The following NELL1 variants were observed in gnomAD, a reference collection of about 807,000 sequenced individuals.
The protein encoded by NELL1 is neural EGFL like 1.
NELL1 carries 76 observed loss-of-function variants against 107.4 expected under a neutral mutation model. The ratio of observed to expected loss-of-function variants is 0.71; its 90% CI spans 0.59 to 0.86. NELL1 has a LOEUF of 0.86. NELL1 is among the 40% of genes least tolerant of loss of function. NELL1 has a pLI of 0.00. For missense variants in NELL1, 1,024 were observed against 1,005.5 expected, an observed-to-expected ratio of 1.02 and a Z score of -0.25; for synonymous variants, 353 against 341.2, an observed-to-expected ratio of 1.03 and a Z score of -0.38.
At chr11:21,172,525 A>T (rs1856629096) in intron 13 of NELL1, among the ~76,000 whole-genome samples, 1 of 151,786 alleles carries the variant, frequency 6.6e-6, no homozygotes, top group Non-Finnish European at 1.5e-5. Flanking sequence ...TTGAGAAAAT[A>T]GCCATTATTC....
chr11:20,834,903 T>C (rs2134041724), intron 3 of NELL1, among the ~76,000 whole-genome samples: 1 of 152,200 alleles, frequency 6.6e-6, no homozygotes, highest in Admixed American at 6.5e-5. Context: ...TAACATAAAA[T>C]GGTTTGAGAA....
intron 15 of NELL1, among the ~76,000 whole-genome samples, chr11:21,381,489 G>C (rs1851605659): frequency 6.6e-6 from 1 of 151,918 alleles, no homozygotes; most frequent in Non-Finnish European, 1.5e-5. Context: ...ATGAGATATT[G>C]TACTTAAAAT....
chr11:21,323,303 C>T (rs180759794), intron 14 of NELL1, among the ~76,000 whole-genome samples: 204 of 152,204 alleles, frequency 1.3e-3, no homozygotes, highest in African/African-American at 4.7e-3. Context: ...GTTTAAAGCT[C>T]GCTGATGGTT....
At chr11:20,891,672 A>G (rs1564952926) in intron 5 of NELL1, among the ~76,000 whole-genome samples, 1 of 152,164 alleles carries the variant, frequency 6.6e-6, no homozygotes. Flanking sequence ...AGGAAAATTT[A>G]CCAAGCAAAT....
rs1336062180 is a variant in NELL1, at chr11:21,451,147, G to A, written c.1645+80199G>A. On this transcript the variant is annotated intron_variant, in intron 15 of 19. Transcript: ENST00000357134. ...GCTTGCAGTAAGCCGAGATCGCGCC[G>A]CTGCACTCCAGCCTGGGCGACAGAG... Among the ~76,000 whole-genome samples the A allele has an allele frequency of 7.2e-5, 10 of 138,690 alleles. No individual in the cohort carries two copies. The Admixed American group carries it at 7.4e-4, about 10-fold the overall frequency. The allele number at this position is 138,690 out of a possible 152,430, so 91.0% of individuals were successfully genotyped here.
rs191107271 is a variant in NELL1 at position 20,961,535 on chromosome 11, C to T, written c.1300+975C>T. The stretch of plus-strand genomic sequence containing the variant: ...TCACTTTCCTCTAAGTGGTCTGGCT[C>T]TCAGATAGGTCAGGTATTCTAAAGG... On this transcript the variant is annotated intron_variant, in intron 12 of 19. Coordinates refer to ENST00000357134, the MANE Select transcript of NELL1 (RefSeq NM_006157.5). Among the ~76,000 whole-genome samples, 719 of 152,256 alleles carry T rather than the reference C, an allele frequency of 4.7e-3. 4 individuals carry two copies. The highest frequency in any genetic ancestry group is 8.1e-3 in the Non-Finnish European group (551 of 68,020).
intron 7 of NELL1, among the ~76,000 whole-genome samples, chr11:20,920,925 T>G (rs1850363774): frequency 6.6e-6 from 1 of 152,092 alleles, no homozygotes; most frequent in Non-Finnish European, 1.5e-5. Flanking sequence ...TTTGGCACTT[T>G]GGCAGATTTT....
intron 13 of NELL1, among the ~76,000 whole-genome samples, chr11:21,161,991 C>T (rs567589069): frequency 4.4e-5 from 5 of 112,738 alleles, no homozygotes; most frequent in Middle Eastern, 0.011. Flanking sequence ...TGCTCTGTTG[C>T]CCAGGCTGGA....
chr11:21,558,826 T>G (rs1856783282), intron 16 of NELL1, among the ~76,000 whole-genome samples: 1 of 151,982 alleles, frequency 6.6e-6, no homozygotes, highest in Non-Finnish European at 1.5e-5. Flanking sequence ...TAAAACTCCT[T>G]TTAGTTGAGA....
chr11:20,753,104 A>G (rs983472121), intron 2 of NELL1, among the ~76,000 whole-genome samples: 3 of 152,212 alleles, frequency 2.0e-5, no homozygotes, highest in African/African-American at 4.8e-5. Flanking sequence ...GAGGGCCTCA[A>G]TGTGCTTTAA....
chr11:20,753,399 G>A (rs1375427129), intron 2 of NELL1, among the ~76,000 whole-genome samples: 1 of 150,804 alleles, frequency 6.6e-6, no homozygotes, highest in Admixed American at 6.7e-5. Context: ...CTCTGCTGGA[G>A]CTAGTTCAAG....
intron 2 of NELL1, among the ~76,000 whole-genome samples, chr11:20,696,995 G>A (rs1436625332): frequency 6.6e-6 from 1 of 152,082 alleles, no homozygotes. Flanking sequence ...TCAATGATTG[G>A]TTTAAGAGTA....
intron 8 of NELL1, among the ~76,000 whole-genome samples, chr11:20,927,976 C>A (rs886565544): frequency 1.3e-5 from 2 of 152,176 alleles, no homozygotes; most frequent in African/African-American, 4.8e-5. Context: ...AGTATGGAAA[C>A]CCTGTCCAGT....
At chr11:20,898,961 A>T (rs1313286733) in intron 5 of NELL1, among the ~76,000 whole-genome samples, 1 of 152,102 alleles carries the variant, frequency 6.6e-6, no homozygotes. Context: ...CTATCTGTAT[A>T]TATGTTATTC....
At chr11:21,406,809 G>A (rs1291121681) in intron 15 of NELL1, among the ~76,000 whole-genome samples, 1 of 151,884 alleles carries the variant, frequency 6.6e-6, no homozygotes, top group Non-Finnish European at 1.5e-5. Context: ...CCTCAAATAT[G>A]TTTCCTATCT....
intron 3 of NELL1, among the ~76,000 whole-genome samples, chr11:20,838,519 A>G (rs952594269): frequency 1.3e-5 from 2 of 152,098 alleles, no homozygotes; most frequent in Admixed American, 6.6e-5. Flanking sequence ...ATTGTAAAAG[A>G]GTTTATCATA....
At chr11:21,389,830 C>T (rs1433111358) in intron 15 of NELL1, among the ~76,000 whole-genome samples, 1 of 151,790 alleles carries the variant, frequency 6.6e-6, no homozygotes, top group African/African-American at 2.4e-5. Flanking sequence ...CATTGTTGGA[C>T]ATATGGGTTG....
chr11:21,033,484 G>A lies in NELL1; in HGVS notation c.1300+72924G>A, dbSNP rs1222653161. On this transcript the variant is annotated intron_variant, in intron 12 of 19. Coordinates refer to ENST00000357134, the MANE Select transcript of NELL1 (RefSeq NM_006157.5). ...CTTTCACTTATAAATGAAAACATGT[G>A]GTATTTGATTTTCTGTTTCTTTATT... Among the ~76,000 whole-genome samples, 3 of 152,096 alleles carry A rather than the reference G, an allele frequency of 2.0e-5. No individual in the cohort carries two copies. In the East Asian group the frequency reaches 5.8e-4, roughly 29 times the overall value.
At chr11:21,229,842 A>C (rs916258564) in intron 14 of NELL1, among the ~76,000 whole-genome samples, 3 of 152,122 alleles carry the variant, frequency 2.0e-5, no homozygotes, top group Admixed American at 6.5e-5. Context: ...GGAAACTTAC[A>C]GTTTTAGCCT....
Sources: allele counts gnomAD v4.1 joint callset (sites outside exome capture counted in the v4.1 genomes callset), GRCh38; gene constraint gnomAD v4.1.1; transcripts MANE v1.5; gene names NCBI Gene and HGNC (gene_info 2026-07-23, HGNC 2026-07-21).